The following C8orf88 variants were observed in gnomAD, a reference collection of about 807,000 sequenced individuals.
C8orf88 encodes the protein uncharacterized protein C8orf88.
A neutral mutation model predicts 18.4 loss-of-function variants in C8orf88; 14 were observed. The observed-to-expected ratio is 0.76, with a 90% CI of 0.50 to 1.19. The LOEUF (loss-of-function observed/expected upper bound fraction) is 1.19. Ranked by LOEUF, C8orf88 falls within the 50% of genes most tolerant of loss-of-function variation. The probability of loss-of-function intolerance (pLI) is 0.00; values close to 1 mark genes in which losing one functional copy is unlikely to be tolerated. For synonymous variants in C8orf88, 45 were observed against 42.9 expected, an observed-to-expected ratio of 1.05 and a Z score of -0.19; for missense variants, 116 against 134.7, an observed-to-expected ratio of 0.86 and a Z score of 0.69.
chr8:90,967,942 T>C (rs978256584), intron 4 of C8orf88, among the ~76,000 whole-genome samples: 4 of 151,770 alleles, frequency 2.6e-5, no homozygotes, highest in African/African-American at 9.7e-5. Flanking sequence ...AATGGGAAGA[T>C]TTCTTATATT....
chr8:90,976,520 T>A (rs1811353740), intron 3 of C8orf88, among the ~76,000 whole-genome samples: 1 of 152,076 alleles, frequency 6.6e-6, no homozygotes, highest in Admixed American at 6.5e-5. Context: ...TAAGGAAATG[T>A]TAGCTGCTAG....
chr8:90,980,933 G>A (rs1811425691), intron 1 of C8orf88, among the ~76,000 whole-genome samples: 1 of 151,886 alleles, frequency 6.6e-6, no homozygotes, highest in Non-Finnish European at 1.5e-5. Flanking sequence ...CTATTTCTTC[G>A]ATTGTCTCTT....
chr8:90,959,783 A>G, intron 5 of C8orf88, among the ~76,000 whole-genome samples: 1 of 151,368 alleles, frequency 6.6e-6, no homozygotes. Context: ...CAGTATACCT[A>G]TATTCTGAAT....
intron 4 of C8orf88, among the ~76,000 whole-genome samples, chr8:90,964,911 A>G (rs1489534795): frequency 6.6e-6 from 1 of 151,564 alleles, no homozygotes; most frequent in Non-Finnish European, 1.5e-5. Flanking sequence ...GGATATAAAA[A>G]TAGTATACTA....
chr8:90,961,506 G>GA (rs1811126746), intron 4 of C8orf88, among the ~76,000 whole-genome samples: 2 of 150,968 alleles, frequency 1.3e-5, no homozygotes, highest in Non-Finnish European at 3.0e-5. Flanking sequence ...CCAGTGGGGG[G>GA]GAAAAAACCC....
chr8:90,961,664 T>C (rs1811128840), intron 4 of C8orf88, among the ~76,000 whole-genome samples: 2 of 151,292 alleles, frequency 1.3e-5, no homozygotes, highest in South Asian at 4.1e-4. Context: ...TGTTCAGAAA[T>C]GAAGAGCAAA....
intron 3 of C8orf88, among the ~76,000 whole-genome samples, 175 bp downstream of exon 3, chr8:90,978,404 A>G (rs1032344742): frequency 7.9e-5 from 12 of 152,192 alleles, no homozygotes; most frequent in Admixed American, 2.6e-4. Flanking sequence ...ATATAGCAAA[A>G]TGTTTAGACT....
rs1265960580 is a variant in C8orf88, at chr8:90,958,808, C to T, written c.*199G>A. 4 of 422,440 alleles carry T rather than the reference C, an allele frequency of 9.5e-6. No individual in the cohort carries two copies. The Middle Eastern group carries it at 1.8e-3, about 189-fold the overall frequency. The allele number at this position is 422,440 out of a possible 1,614,324, so 26.2% of individuals were successfully genotyped here. A position where few individuals can be genotyped will look rare whatever the true frequency, so the allele number is the denominator to read the frequency against. ...TTCCAGTGTTACTTCCCAATTTATG[C>T]AGGAAACCTCCTGCAAAGCTGAAAC... On this transcript the variant is annotated 3_prime_UTR_variant, in exon 6 of 6. Coordinates refer to ENST00000517562, the MANE Select transcript of C8orf88 (RefSeq NM_001190972.2).
intron 4 of C8orf88, among the ~76,000 whole-genome samples, chr8:90,963,644 AATT>A (rs1343356297): frequency 1.3e-5 from 2 of 151,758 alleles, no homozygotes; most frequent in Non-Finnish European, 2.9e-5. Context: ...GCCAGATAGA[AATT>A]ATTGAGAAGT....
intron 1 of C8orf88, 75 bp from the exon 2 acceptor site, chr8:90,980,536 C>T: frequency 1.7e-6 from 1 of 574,340 alleles, no homozygotes; most frequent in Admixed American, 3.8e-5. Flanking sequence ...CAAATAACTA[C>T]ATCTTTTTTT....
intron 4 of C8orf88, among the ~76,000 whole-genome samples, chr8:90,964,978 G>A (rs904168316): frequency 3.3e-5 from 5 of 151,342 alleles, no homozygotes; most frequent in African/African-American, 9.7e-5. Context: ...AAAAAAAGAC[G>A]TATAGAAGAC....
chr8:90,961,514 C>A (rs1024586454), intron 4 of C8orf88, among the ~76,000 whole-genome samples: 2 of 150,934 alleles, frequency 1.3e-5, no homozygotes, highest in Non-Finnish European at 3.0e-5. Context: ...GGGGAAAAAA[C>A]CCTCAGAAAT....
At chr8:90,973,392 A>G (rs1289684150) in intron 3 of C8orf88, among the ~76,000 whole-genome samples, 1 of 152,204 alleles carries the variant, frequency 6.6e-6, no homozygotes, top group East Asian at 1.9e-4. Context: ...GTAAAGCAGG[A>G]TAAGCATCAA....
chr8:90,981,247 G>C (rs1563556224), intron 1 of C8orf88, among the ~76,000 whole-genome samples: 1 of 152,006 alleles, frequency 6.6e-6, no homozygotes, highest in Non-Finnish European at 1.5e-5. Flanking sequence ...ACCACACTTG[G>C]TAAAACTGCC....
chr8:90,959,511 A>T (rs1384209563), intron 5 of C8orf88: 2 of 151,530 alleles, frequency 1.3e-5, no homozygotes, highest in South Asian at 2.1e-4. Flanking sequence ...AAGTTGAAAC[A>T]TCAAGTACAT....
In C8orf88 at chr8:90,978,669, A is replaced by G; in HGVS notation, c.74-17T>C. Reference sequence around the variant, plus strand: ...ACACTGCTCCTGTTAGGAGAGGAAGAAAACAATTTCATAGATCTATTATTT... The same window carrying G: ...ACACTGCTCCTGTTAGGAGAGGAAGGAAACAATTTCATAGATCTATTATTT... On this transcript the variant is annotated splice_polypyrimidine_tract_variant and intron_variant, in intron 2 of 5. Coordinates refer to ENST00000517562, the MANE Select transcript of C8orf88 (RefSeq NM_001190972.2). 7.0e-7 allele frequency: 1 copy of G among 1,423,278 alleles called. No individual in the cohort carries two copies. The highest frequency in any genetic ancestry group is 1.3e-5 in the South Asian group (1 of 75,524). 88.2% of individuals were successfully genotyped at this position (1,423,278 alleles called of 1,614,324 possible).
chr8:90,983,519 T>G (rs1234502878), intron 1 of C8orf88, among the ~76,000 whole-genome samples: 8 of 152,168 alleles, frequency 5.3e-5, no homozygotes. Context: ...TCAGTCCTGA[T>G]ATTACCAGTA....
chr8:90,972,494 T>A (rs1292216282), intron 3 of C8orf88, among the ~76,000 whole-genome samples: 1 of 152,064 alleles, frequency 6.6e-6, no homozygotes, highest in Non-Finnish European at 1.5e-5. Flanking sequence ...TCTACTTAAA[T>A]GCAAGATCTA....
chr8:90,981,433 C>T (rs1391291760), intron 1 of C8orf88, among the ~76,000 whole-genome samples: 1 of 152,144 alleles, frequency 6.6e-6, no homozygotes, highest in Non-Finnish European at 1.5e-5. Context: ...AGCTATTTAT[C>T]TGTCAAGACC....
Sources: allele counts gnomAD v4.1 joint callset (sites outside exome capture counted in the v4.1 genomes callset), GRCh38; gene constraint gnomAD v4.1.1; transcripts MANE v1.5; gene names NCBI Gene and HGNC (gene_info 2026-07-23, HGNC 2026-07-21).